The following CEP83 variants were observed in gnomAD, a reference collection of about 807,000 sequenced individuals.
The protein encoded by CEP83 is centrosomal protein 83.
A neutral mutation model predicts 101.9 loss-of-function variants in CEP83; 70 were observed. That is an observed-to-expected ratio of 0.69 (90% CI 0.57 to 0.84). The LOEUF (loss-of-function observed/expected upper bound fraction) is 0.84, where lower values mean the gene tolerates loss of function less well. CEP83 is among the 40% of genes least tolerant of loss of function. CEP83 has a pLI of 0.00. For missense variants in CEP83, 715 were observed against 787.2 expected, an observed-to-expected ratio of 0.91 and a Z score of 1.10; for synonymous variants, 264 against 267.9, an observed-to-expected ratio of 0.99 and a Z score of 0.14.
chr12:94,298,591 C>G, the CEP83 span: 2 of 1,508,920 alleles, frequency 1.3e-6, no homozygotes, highest in Non-Finnish European at 1.8e-6. Flanking sequence ...ACCACTACCA[C>G]AGTTTTTAAT....
At chr12:94,442,722 A>G (rs1403089358) in intron 1 of CEP83, among the ~76,000 whole-genome samples, 1 of 152,118 alleles carries the variant, frequency 6.6e-6, no homozygotes, top group African/African-American at 2.4e-5. Context: ...CGCTACATCA[A>G]CTTAACAAAA....
the CEP83 span, among the ~76,000 whole-genome samples, chr12:94,287,234 G>T: frequency 2.0e-5 from 3 of 152,212 alleles, no homozygotes; most frequent in East Asian, 3.8e-4. Context: ...GAAGCCAGAG[G>T]AGTCTTTCTC....
chr12:94,350,702 A>T (rs2060160354), intron 11 of CEP83, among the ~76,000 whole-genome samples: 2 of 152,110 alleles, frequency 1.3e-5, no homozygotes, highest in Non-Finnish European at 2.9e-5. Context: ...AACCCTACAG[A>T]ATAGGAGAAA....
chr12:94,368,192 G>C lies in CEP83; in HGVS notation c.1058C>G (p.Ser353Ter), dbSNP rs1162522234. The part of the protein sequence containing the change: ...KIQSELDGLQ[S>*]DNEILKAAVE... Reference sequence around the variant, plus strand: ...AGCTGCTTTGAGAATTTCATTGTCTGACTGTAATCCTAGTGTTTTTCAAGG... The same window carrying C: ...AGCTGCTTTGAGAATTTCATTGTCTCACTGTAATCCTAGTGTTTTTCAAGG... The change falls in exon 10 of 17, where the codon TCA becomes TGA. Residue 353 changes from serine (S) to a stop codon, truncating the protein, a stop_gained. Coordinates refer to ENST00000397809, the MANE Select transcript of CEP83 (RefSeq NM_016122.3). LOFTEE classifies it high-confidence loss of function. 6.2e-7 allele frequency: 1 copy of C among 1,610,866 alleles called. No individual in the cohort carries two copies. The highest frequency in any genetic ancestry group is 8.5e-7 in the Non-Finnish European group (1 of 1,178,668).
intron 14 of CEP83, among the ~76,000 whole-genome samples, chr12:94,329,051 T>G (rs537472436): frequency 1.6e-4 from 24 of 152,340 alleles, no homozygotes; most frequent in African/African-American, 5.8e-4. Flanking sequence ...GTGTCCCACA[T>G]AGTAGGACAA....
intron 6 of CEP83, among the ~76,000 whole-genome samples, chr12:94,399,478 G>C (rs1436601426): frequency 6.6e-6 from 1 of 152,198 alleles, no homozygotes; most frequent in Non-Finnish European, 1.5e-5. Context: ...GAGAGGCTGA[G>C]GCAGGAGGAT....
chr12:94,445,637 T>C (rs2066744167), intron 1 of CEP83, among the ~76,000 whole-genome samples: 1 of 152,196 alleles, frequency 6.6e-6, no homozygotes, highest in South Asian at 2.1e-4. Context: ...AACTAAATGA[T>C]AGGAAAATAA....
chr12:94,342,717 T>A (rs754280110), intron 11 of CEP83, among the ~76,000 whole-genome samples: 1 of 151,210 alleles, frequency 6.6e-6, no homozygotes, highest in Non-Finnish European at 1.5e-5. Flanking sequence ...AATAAGAGGA[T>A]AAAAGTATAC....
the CEP83 span, chr12:94,297,265 C>T: frequency 1.9e-6 from 3 of 1,613,400 alleles, no homozygotes; most frequent in Non-Finnish European, 2.5e-6. Context: ...TGCATGCCTT[C>T]TGTAGCAAGA....
At position 94,312,930 on chromosome 12, in the gene CEP83, T is replaced by C; in HGVS notation, c.1795A>G (p.Asn599Asp). The change falls in exon 15 of 17, where the codon AAT becomes GAT. Residue 599 changes from asparagine (N) to aspartate (D), a missense_variant. By Grantham distance (23) the Asn-to-Asp change is conservative. Coordinates refer to ENST00000397809, the MANE Select transcript of CEP83 (RefSeq NM_016122.3). ...ACACATTACCTATTTAAGACCTGAT[T>C]TTCTGTTTCCAATTCTTCTTTCTTT... is the stretch of plus-strand genomic sequence containing the variant. ...EAKKEELETE[N>D]QVLNRQNVPF... The C allele has an allele frequency of 6.4e-7, 1 of 1,570,470 alleles. No individual in the cohort carries two copies.
the CEP83 span, among the ~76,000 whole-genome samples, chr12:94,290,474 T>G: frequency 6.6e-6 from 1 of 152,264 alleles, no homozygotes; most frequent in Non-Finnish European, 1.5e-5. Flanking sequence ...TGGAGTCACT[T>G]TGCAGAGGCC....
the CEP83 span, among the ~76,000 whole-genome samples, chr12:94,295,297 C>G: frequency 6.6e-6 from 1 of 152,196 alleles, no homozygotes; most frequent in Non-Finnish European, 1.5e-5. Context: ...CTTGATTATA[C>G]AGACAGGATA....
chr12:94,284,392 G>A, the CEP83 span, among the ~76,000 whole-genome samples: 1 of 152,286 alleles, frequency 6.6e-6, no homozygotes, highest in African/African-American at 2.4e-5. Context: ...GCAGCTTGGA[G>A]GTTAGAAGCA....
chr12:94,312,849 T>G, intron 15 of CEP83, 65 bp downstream of exon 15: 1 of 1,273,644 alleles, frequency 7.9e-7, no homozygotes, highest in Non-Finnish European at 1.1e-6. Context: ...TACGTTATAC[T>G]TAGAGACAAA....
chr12:94,381,177 T>A (rs1475125527), intron 6 of CEP83, among the ~76,000 whole-genome samples: 1 of 152,222 alleles, frequency 6.6e-6, no homozygotes, highest in African/African-American at 2.4e-5. Flanking sequence ...ACACCACTTG[T>A]GTCCCAGACA....
In CEP83 at chr12:94,380,839, A is replaced by C. The variant is rs139386684; in HGVS notation, c.550-1797T>G. Among the ~76,000 whole-genome samples, 8 of 152,242 alleles carry C rather than the reference A, an allele frequency of 5.3e-5. No individual in the cohort carries two copies. The East Asian group carries it at 1.5e-3, about 29-fold the overall frequency. On this transcript the variant is annotated intron_variant, in intron 6 of 16. Coordinates refer to ENST00000397809, the MANE Select transcript of CEP83 (RefSeq NM_016122.3). ...AGTTCACAATGTTCTTGACCTGCAT[A>C]CTTCCCATATTATTGCTTTCTTTCC...
chr12:94,290,018 T>C, the CEP83 span, among the ~76,000 whole-genome samples: 1 of 152,248 alleles, frequency 6.6e-6, no homozygotes, highest in Non-Finnish European at 1.5e-5. Context: ...ATTTGAACTT[T>C]TGGCAGCGTT....
At chr12:94,429,608 C>T (rs990345351) in intron 2 of CEP83, among the ~76,000 whole-genome samples, 3 of 152,176 alleles carry the variant, frequency 2.0e-5, no homozygotes, top group Admixed American at 6.5e-5. Flanking sequence ...CCAAAGTGCA[C>T]GCCTCTGGCT....
chr12:94,365,046 C>T (rs1347072880), intron 11 of CEP83, among the ~76,000 whole-genome samples: 2 of 151,842 alleles, frequency 1.3e-5, no homozygotes, highest in African/African-American at 2.4e-5. Context: ...AAAAAAATAA[C>T]GGAAGCAAAA....
Sources: gnomAD v4.1 joint callset for allele counts (sites outside exome capture counted in the v4.1 genomes callset) on GRCh38, gnomAD v4.1.1 for gene constraint, MANE v1.5 for transcripts, NCBI Gene and HGNC (gene_info 2026-07-23, HGNC 2026-07-21) for gene names.